Variants in HTRA4 observed in about 807,000 individuals in gnomAD.
HTRA4 encodes serine protease HTRA4.
In HTRA4, 46 loss-of-function variants were observed where a neutral mutation model predicts 49.1. The ratio of observed to expected loss-of-function variants is 0.94; its 90% confidence interval spans 0.74 to 1.20. The LOEUF is 1.20. Among genes scored for constraint, HTRA4 ranks in the 50% most tolerant of loss-of-function variants. The probability of loss-of-function intolerance (pLI) is 0.00; values close to 1 mark genes in which losing one functional copy is unlikely to be tolerated. For missense variants in HTRA4, 602 were observed against 636.9 expected (o/e 0.95, Z 0.59); for synonymous variants, 261 against 264.0 (o/e 0.99, Z 0.11).
At chr8:38,981,365 C>T (rs1245064772) in intron 5 of HTRA4, among the ~76,000 whole-genome samples, 2 of 152,036 alleles carry the variant, frequency 1.3e-5, no homozygotes, top group African/African-American at 4.8e-5. Context: ...AGGCGTGAGC[C>T]ACTCTGCCCA....
At chr8:38,981,070 T>TG (rs1284667940) in intron 5 of HTRA4, among the ~76,000 whole-genome samples, 1 of 94,950 alleles carries the variant, frequency 1.1e-5, no homozygotes, top group Non-Finnish European at 1.9e-5. Context: ...TAAGTTTTTT[T>TG]TTTTTTTTTT....
intron 8 of HTRA4, 114 bp downstream of exon 8, chr8:38,983,162 A>C (rs750686336): frequency 4.7e-6 from 3 of 634,374 alleles, no homozygotes; most frequent in African/African-American, 1.8e-5. Context: ...CACTACTTAC[A>C]TGTAGTATGT....
At position 38,987,956 on chromosome 8, in the gene HTRA4, A is replaced by G; in HGVS notation, c.1289A>G (p.Asp430Gly). Residue 430 changes from aspartate (D) to glycine (G), a missense_variant, in exon 9 of 9, where the codon GAT becomes GGT. Transcript: ENST00000302495. ...AAQSSGLRDH[D>G]VIVNINGKPI... is the part of the protein sequence containing the mutation. ...CTCAGCTCTGGATTGAGAGATCACG[A>G]TGTAATTGTCAACATAAATGGGAAA... is the stretch of plus-strand genomic sequence containing the variant. The G allele has an allele frequency of 6.2e-7, 1 of 1,600,312 alleles. No homozygotes were observed. The highest frequency in any genetic ancestry group is 8.5e-7 in the Non-Finnish European group (1 of 1,176,306).
In HTRA4 at chr8:38,987,939, T is replaced by C; in HGVS notation, c.1272T>C (p.Ser424=). ...KVVEGTAAQS[S]GLRDHDVIVN... The stretch of plus-strand genomic sequence containing the variant: ...CTTTTTTTTCTCCCTCTCTCAGCTC[T>C]GGATTGAGAGATCACGATGTAATTG... The change falls in exon 9 of 9, where the codon TCT becomes TCC. Residue 424 remains serine, a synonymous_variant. Coordinates refer to ENST00000302495, the MANE Select transcript of HTRA4 (RefSeq NM_153692.4). 1 of 1,581,620 alleles carries C rather than the reference T, an allele frequency of 6.3e-7. No homozygotes were observed. Among genetic ancestry groups the C allele is most frequent in the Non-Finnish European group, 8.5e-7 (1 of 1,169,624 alleles).
chr8:38,981,408 C>T (rs556015837), intron 5 of HTRA4, among the ~76,000 whole-genome samples: 7 of 152,138 alleles, frequency 4.6e-5, no homozygotes, highest in Admixed American at 4.6e-4. Flanking sequence ...AAGTCCTCAG[C>T]ATCCTTGATC....
intron 3 of HTRA4, among the ~76,000 whole-genome samples, chr8:38,977,244 T>C (rs1366423469): frequency 1.3e-5 from 2 of 151,510 alleles, no homozygotes; most frequent in African/African-American, 4.9e-5. Context: ...CCTCTAACTG[T>C]TTCTATTAAC....
intron 5 of HTRA4, among the ~76,000 whole-genome samples, chr8:38,980,028 A>G (rs1199719604): frequency 2.0e-5 from 3 of 152,216 alleles, no homozygotes; most frequent in African/African-American, 7.2e-5. Context: ...CCTGACTTCA[A>G]GTGAGCTGCC....
Position 38,974,329 on chromosome 8 carries a change from C to G in HTRA4, c.66C>G (p.Leu22=), listed in dbSNP as rs756811404. 4 of 1,612,682 alleles carry G rather than the reference C, an allele frequency of 2.5e-6. No individual in the cohort carries two copies. Among genetic ancestry groups the G allele is most frequent in the Middle Eastern group, 3.3e-4 (2 of 6,026 alleles). Residue 22 remains leucine (L), a synonymous_variant, in exon 1 of 9, where the codon CTC becomes CTG. Coordinates refer to ENST00000302495, the MANE Select transcript of HTRA4 (RefSeq NM_153692.4). ...GCCTCCTGCCGGGGCTGCTGCTGCTCCTGGTGCCCGTCCTCTGGGCCGGGG... is the reference window on the plus strand; with the variant it reads ...GCCTCCTGCCGGGGCTGCTGCTGCTGCTGGTGCCCGTCCTCTGGGCCGGGG... ...GRCLLPGLLL[L]LVPVLWAGAE...
chr8:38,976,769 A>T, intron 3 of HTRA4, 30 bp downstream of exon 3: 1 of 1,608,182 alleles, frequency 6.2e-7, no homozygotes, highest in Non-Finnish European at 8.5e-7. Flanking sequence ...GTCAGAGTCT[A>T]CATATTTGGG....
At position 38,982,113 on chromosome 8, in the gene HTRA4, G is replaced by T. The variant is rs372463375; in HGVS notation, c.1114+346G>T. Among the ~76,000 whole-genome samples, 42 of 152,276 alleles carry T rather than the reference G, an allele frequency of 2.8e-4. No individual in the cohort carries two copies. The East Asian group carries it at 7.7e-3, about 28-fold the overall frequency. On this transcript the variant is annotated intron_variant, in intron 6 of 8. Transcript: ENST00000302495. ...TCCGCTTGCCTCGGCCTCCCAAAGT[G>T]CTGGGATTACAGGCATGAACCACCA...
In HTRA4 at chr8:38,974,338, C is replaced by G. The variant is rs201193022; in HGVS notation, c.75C>G (p.Pro25=). ...CGGGGCTGCTGCTGCTCCTGGTGCC[C>G]GTCCTCTGGGCCGGGGCTGAAAAGC... ...LLPGLLLLLV[P]VLWAGAEKLH... is the part of the protein sequence containing the mutation. Residue 25 remains proline (P), a synonymous_variant, in exon 1 of 9, where the codon CCC becomes CCG. Coordinates refer to ENST00000302495, the MANE Select transcript of HTRA4 (RefSeq NM_153692.4). 2.5e-6 allele frequency: 4 copies of G among 1,612,098 alleles called. No homozygotes were observed. The highest frequency in any genetic ancestry group is 2.2e-5 in the East Asian group (1 of 44,796).
chr8:38,974,935 A>C, intron 1 of HTRA4, 96 bp from the exon 2 acceptor site: 1 of 1,443,820 alleles, frequency 6.9e-7, no homozygotes, highest in Non-Finnish European at 9.6e-7. Flanking sequence ...CTCCCCATGC[A>C]CCTTTTGAAC....
At chr8:38,977,155 C>T (rs1474474029) in intron 3 of HTRA4, among the ~76,000 whole-genome samples, 4 of 152,030 alleles carry the variant, frequency 2.6e-5, no homozygotes, top group East Asian at 1.9e-4. Context: ...AGGCTGGTCT[C>T]GAACTCCTGA....
rs1345069649 is a variant in HTRA4, at chr8:38,978,013, G to A, written c.832G>A (p.Val278Met). 2 of 1,614,126 alleles carry A rather than the reference G, an allele frequency of 1.2e-6. No individual in the cohort carries two copies. The highest frequency in any genetic ancestry group is 1.7e-6 in the Non-Finnish European group (2 of 1,180,040). Residue 278 changes from valine to methionine, a missense_variant, in exon 4 of 9, where the codon GTG (valine) becomes ATG (methionine). Coordinates refer to ENST00000302495, the MANE Select transcript of HTRA4 (RefSeq NM_153692.4). ...SSDLRAGEFV[V>M]ALGSPFSLQN... is the part of the protein sequence containing the mutation. The stretch of plus-strand genomic sequence containing the variant: ...TGACCTTCGGGCTGGAGAGTTTGTG[G>A]TGGCTTTGGGCAGCCCATTTTCTCT...
At chr8:38,987,470 G>A (rs535976770) in intron 8 of HTRA4, among the ~76,000 whole-genome samples, 6 of 151,708 alleles carry the variant, frequency 4.0e-5, no homozygotes, top group East Asian at 1.9e-4. Context: ...AAGCTGGGGC[G>A]GGGGGGTGGG....
Position 38,978,636 on chromosome 8 carries a change from C to G in HTRA4, c.966+489C>G, listed in dbSNP as rs115907274. Among the ~76,000 whole-genome samples, 896 of 152,232 alleles carry G rather than the reference C, an allele frequency of 5.9e-3. 8 individuals carry two copies. Among genetic ancestry groups the G allele is most frequent in the African/African-American group, 0.021 (852 of 41,526 alleles). On this transcript the variant is annotated intron_variant, in intron 4 of 8. Coordinates refer to ENST00000302495, the MANE Select transcript of HTRA4 (RefSeq NM_153692.4). Reference sequence around the variant, plus strand: ...CCACTTTGTTAGAGTCTGTCTCGTTCGCTGTGATCGCTGGCATCCATGCTA... The same window carrying G: ...CCACTTTGTTAGAGTCTGTCTCGTTGGCTGTGATCGCTGGCATCCATGCTA...
At chr8:38,986,466 A>T (rs28641150) in intron 8 of HTRA4, among the ~76,000 whole-genome samples, 46,187 of 151,858 alleles carry the variant, frequency 0.3, 7,285 homozygotes, top group Non-Finnish European at 0.36. Flanking sequence ...ACGAGGTTTC[A>T]CTATGTTGGG....
rs774379296 is a variant in HTRA4 at position 38,974,291 on chromosome 8, G to T, written c.28G>T (p.Gly10Trp). 1.2e-6 allele frequency: 2 copies of T among 1,612,290 alleles called. No individual in the cohort carries two copies. The highest frequency in any genetic ancestry group is 1.3e-5 in the African/African-American group (1 of 74,878). Residue 10 changes from glycine (G) to tryptophan (W), a missense_variant, in exon 1 of 9, where the codon GGG becomes TGG. By Grantham distance (184) the Gly-to-Trp change is radical. Coordinates refer to ENST00000302495, the MANE Select transcript of HTRA4 (RefSeq NM_153692.4). The stretch of plus-strand genomic sequence containing the variant: ...GATTAGACCTCAGCTGCGGACCGCG[G>T]GGCTGGGACGATGCCTCCTGCCGGG... MIRPQLRTA[G>W]LGRCLLPGLL... is the part of the protein sequence containing the mutation.
chr8:38,978,956 TG>T (rs1180641989), intron 4 of HTRA4, among the ~76,000 whole-genome samples: 1 of 144,252 alleles, frequency 6.9e-6, no homozygotes, highest in Non-Finnish European at 1.5e-5. Context: ...ATTGCGCCAT[TG>T]CATTCCAGCC....
Sources: gnomAD v4.1 joint callset for allele counts (sites outside exome capture counted in the v4.1 genomes callset) on GRCh38, gnomAD v4.1.1 for gene constraint, MANE v1.5 for transcripts, NCBI Gene and HGNC (gene_info 2026-07-23, HGNC 2026-07-21) for gene names.